The following ADGRL2 variants were observed in gnomAD, a reference collection of about 807,000 sequenced individuals.
ADGRL2 encodes the protein calcium-independent alpha-latrotoxin receptor 2.
Under a neutral mutation model 157.4 loss-of-function variants are expected in ADGRL2, and 44 were observed. That is an observed-to-expected ratio of 0.28 (90% CI 0.22 to 0.36). ADGRL2 has a LOEUF of 0.36. ADGRL2 is among the 10% of genes least tolerant of loss of function. The pLI is 1.00. For synonymous variants in ADGRL2, 585 were observed against 624.7 expected (o/e 0.94, Z 0.95); for missense variants, 1,510 against 1,768.9 (o/e 0.85, Z 2.63).
At chr1:81,872,343 G>T (rs1205419259) in intron 2 of ADGRL2, among the ~76,000 whole-genome samples, 3 of 152,034 alleles carry the variant, frequency 2.0e-5, no homozygotes, top group Non-Finnish European at 2.9e-5. Context: ...GCCTTGTAGT[G>T]TGGTTTGAAG....
At chr1:81,617,502 C>A (rs1300999315) in intron 3 of ADGRL2, among the ~76,000 whole-genome samples, 1 of 152,212 alleles carries the variant, frequency 6.6e-6, no homozygotes, top group Non-Finnish European at 1.5e-5. Flanking sequence ...TCCCCAATTG[C>A]CAGCAGAGCT....
intron 2 of ADGRL2, among the ~76,000 whole-genome samples, chr1:81,494,723 T>TTA (rs1421334667): frequency 6.6e-6 from 1 of 152,142 alleles, no homozygotes; most frequent in Non-Finnish European, 1.5e-5. Flanking sequence ...TTCTCTCTCT[T>TTA]TACAATTTTA....
chr1:81,334,973 C>T (rs1397976469), intron 1 of ADGRL2, among the ~76,000 whole-genome samples: 2 of 152,164 alleles, frequency 1.3e-5, no homozygotes, highest in Non-Finnish European at 1.5e-5. Context: ...AAGGGCTTCA[C>T]ATGTTCCTTT....
chr1:81,390,465 T>C (rs1453263314), intron 1 of ADGRL2, among the ~76,000 whole-genome samples: 5 of 152,308 alleles, frequency 3.3e-5, no homozygotes, highest in Non-Finnish European at 5.9e-5. Flanking sequence ...AGAGATGTAA[T>C]ACATGTATAG....
intron 2 of ADGRL2, among the ~76,000 whole-genome samples, chr1:81,790,861 G>A (rs552594415): frequency 1.3e-5 from 2 of 152,048 alleles, no homozygotes. Context: ...ACACAAATGT[G>A]AGCAGGCAGC....
At chr1:81,397,277 T>C (rs1284453537) in intron 1 of ADGRL2, among the ~76,000 whole-genome samples, 1 of 151,554 alleles carries the variant, frequency 6.6e-6, no homozygotes, top group African/African-American at 2.4e-5. Flanking sequence ...TTTCTAATGA[T>C]TCTTTGTATT....
intron 2 of ADGRL2, among the ~76,000 whole-genome samples, chr1:81,515,814 T>C (rs11163322): frequency 0.38 from 57,432 of 152,084 alleles, 14,160 homozygotes; most frequent in African/African-American, 0.7. Flanking sequence ...GCACATACTG[T>C]CAGTGGCAAT....
intron 1 of ADGRL2, among the ~76,000 whole-genome samples, chr1:81,707,215 A>G (rs1300966459): frequency 6.6e-6 from 1 of 152,172 alleles, no homozygotes; most frequent in African/African-American, 2.4e-5. Flanking sequence ...GAAAAATTAC[A>G]GTGTACAATT....
chr1:81,652,518 A>G (rs1346093371), intron 3 of ADGRL2, among the ~76,000 whole-genome samples: 1 of 152,210 alleles, frequency 6.6e-6, no homozygotes, highest in Non-Finnish European at 1.5e-5. Flanking sequence ...TTCATTTCAT[A>G]TATAACTAAT....
chr1:81,391,025 C>G (rs1160533833), intron 1 of ADGRL2, among the ~76,000 whole-genome samples: 2 of 152,304 alleles, frequency 1.3e-5, no homozygotes, highest in African/African-American at 4.8e-5. Flanking sequence ...AAAGAAGATC[C>G]TCACACTAAA....
intron 1 of ADGRL2, among the ~76,000 whole-genome samples, chr1:81,405,903 C>G (rs1053787592): frequency 2.0e-5 from 3 of 151,988 alleles, no homozygotes; most frequent in African/African-American, 7.2e-5. Flanking sequence ...AAAGTGTTAT[C>G]TCCTCATAAA....
At chr1:81,682,096 CAT>C (rs1011032357) in intron 3 of ADGRL2, among the ~76,000 whole-genome samples, 17 of 100,204 alleles carry the variant, frequency 1.7e-4, no homozygotes, top group African/African-American at 6.2e-4. Context: ...CATATATATA[CAT>C]ATATATGTGT....
At chr1:81,990,148 GT>G (rs1664296178) in intron 23 of ADGRL2, 1 of 985,164 alleles carries the variant, frequency 1.0e-6, no homozygotes, top group African/African-American at 1.7e-5. Context: ...AATTGATAAA[GT>G]ATTACTCTGT....
chr1:81,512,297 G>C (rs888868370), intron 2 of ADGRL2, among the ~76,000 whole-genome samples: 1 of 152,128 alleles, frequency 6.6e-6, no homozygotes. Context: ...TGCTTTATTG[G>C]TGAAGGGAAT....
chr1:81,829,716 A>G (rs2091798181), intron 1 of ADGRL2, among the ~76,000 whole-genome samples: 1 of 152,230 alleles, frequency 6.6e-6, no homozygotes, highest in East Asian at 1.9e-4. Context: ...CCTTAGTTAA[A>G]CATATTGCAG....
intron 4 of ADGRL2, among the ~76,000 whole-genome samples, chr1:81,940,154 A>T (rs2148909358): frequency 6.6e-6 from 1 of 151,532 alleles, no homozygotes; most frequent in Non-Finnish European, 1.5e-5. Context: ...TCTTCTATTG[A>T]ACTTGTTTTA....
chr1:81,430,045 C>G (rs574328670), intron 1 of ADGRL2, among the ~76,000 whole-genome samples: 1 of 152,114 alleles, frequency 6.6e-6, no homozygotes, highest in Non-Finnish European at 1.5e-5. Context: ...AGGCATGCAC[C>G]GCCACGCCTG....
At position 81,980,063 on chromosome 1, in the gene ADGRL2, T is replaced by A. The variant is rs1661231830; in HGVS notation, c.3113+103T>A. 5 of 676,952 alleles carry A rather than the reference T, an allele frequency of 7.4e-6. No homozygotes were observed. In the South Asian group the frequency reaches 9.3e-5, roughly 13 times the overall value. 41.9% of individuals were successfully genotyped at this position (676,952 alleles called of 1,614,324 possible). ...TACCTTCTATCAACTGTAGAAATTATTCAGAATGAAGTTTTACTGCCCTCA... is the reference window on the plus strand; with the variant it reads ...TACCTTCTATCAACTGTAGAAATTAATCAGAATGAAGTTTTACTGCCCTCA... On this transcript the variant is annotated intron_variant, in intron 18 of 23. Coordinates refer to ENST00000686636, the MANE Select transcript of ADGRL2 (RefSeq NM_001366006.2).
intron 1 of ADGRL2, among the ~76,000 whole-genome samples, chr1:81,396,714 T>G (rs1570840019): frequency 6.6e-6 from 1 of 152,334 alleles, no homozygotes; most frequent in East Asian, 1.9e-4. Context: ...GGATACTGAA[T>G]TTTATCAAAT....
Sources: allele counts gnomAD v4.1 joint callset (sites outside exome capture counted in the v4.1 genomes callset), GRCh38; gene constraint gnomAD v4.1.1; transcripts MANE v1.5; gene names NCBI Gene and HGNC (gene_info 2026-07-23, HGNC 2026-07-21).